ZSWIM9: variants seen among roughly 807,000 people sequenced by gnomAD.
ZSWIM9 encodes the protein zinc finger SWIM-type containing 9, also known as uncharacterized protein ZSWIM9.
ZSWIM9 carries 11 observed loss-of-function variants against 25.0 expected under a neutral mutation model. The ratio of observed to expected loss-of-function variants is 0.44; its 90% confidence interval spans 0.28 to 0.73. ZSWIM9 has a LOEUF of 0.73. Among genes scored for constraint, ZSWIM9 ranks in the 30% least tolerant of loss-of-function variants. The pLI is 0.16. For synonymous variants in ZSWIM9, 562 were observed against 582.1 expected (o/e 0.97, Z 0.50); for missense variants, 1,070 against 1,296.5 (o/e 0.83, Z 2.68).
chr19:48,194,622 T>C lies in ZSWIM9; in HGVS notation c.589-31T>C. 1 of 1,405,518 alleles carries C rather than the reference T, an allele frequency of 7.1e-7. No homozygotes were observed. Among genetic ancestry groups the C allele is most frequent in the South Asian group, 1.5e-5 (1 of 65,404 alleles). 87.1% of individuals were successfully genotyped at this position (1,405,518 alleles called of 1,614,324 possible). On this transcript the variant is annotated intron_variant, in intron 3 of 3. Transcript: ENST00000614654. This position sits in a 1 kb window ranked among gnomAD's most constrained non-coding sequence, Gnocchi z 6.0. The stretch of plus-strand genomic sequence containing the variant: ...GGGGAGACCCCAGCATCCTCTGACC[T>C]CTTTCCTTGCCTCCCTGCCCCCGCC...
chr19:48,187,017 T>C (rs1191226334), intron 3 of ZSWIM9, among the ~76,000 whole-genome samples: 1 of 152,104 alleles, frequency 6.6e-6, no homozygotes, highest in Non-Finnish European at 1.5e-5. Flanking sequence ...TTCGTCTTTA[T>C]TTTGCCTTCT....
chr19:48,196,515 G>T lies in ZSWIM9; in HGVS notation c.2451G>T (p.Glu817Asp). The T allele has an allele frequency of 1.6e-6, 2 of 1,232,514 alleles. No homozygotes were observed. The highest frequency in any genetic ancestry group is 2.0e-6 in the Non-Finnish European group (2 of 988,282). The allele number at this position is 1,232,514 out of a possible 1,614,324, so 76.3% of individuals were successfully genotyped here. Residue 817 changes from glutamate (E) to aspartate (D), a missense_variant, in exon 4 of 4, where the codon GAG (glutamate) becomes GAT (aspartate). Glu to Asp is a conservative substitution (Grantham distance 45). Coordinates refer to ENST00000614654, the MANE Select transcript of ZSWIM9 (RefSeq NM_199341.4). Reference protein sequence around the residue: ...KRLCRPPGEEEVDWEPLAKFR... With the variant: ...KRLCRPPGEEDVDWEPLAKFR... ...TTTGCCGACCCCCGGGAGAGGAGGA[G>T]GTGGACTGGGAACCCCTGGCCAAAT...
intron 3 of ZSWIM9, among the ~76,000 whole-genome samples, chr19:48,185,719 A>G (rs2037003933): frequency 6.6e-6 from 1 of 152,188 alleles, no homozygotes; most frequent in East Asian, 1.9e-4. Context: ...AGGCATGGTT[A>G]CTCACACCTG....
chr19:48,194,834 A>AGGCTGCCTGCTGCGTGGCGCGCCC lies in ZSWIM9; in HGVS notation c.773_796dup (p.Ala258_Pro265dup). ...GTGGACGGCTCGGGCCGTGCGCGCC[A>AGGCTGCCTGCTGCGTGGCGCGCCC]GGCTGCCTGCTGCGTGGCGCGCCCG... is the stretch of plus-strand genomic sequence containing the variant. On this transcript the variant is annotated inframe_insertion, in exon 4 of 4. Coordinates refer to ENST00000614654, the MANE Select transcript of ZSWIM9 (RefSeq NM_199341.4). This position sits in a 1 kb window ranked among gnomAD's most constrained non-coding sequence, Gnocchi z 6.0. The AGGCTGCCTGCTGCGTGGCGCGCCC allele has an allele frequency of 1.4e-6, 2 of 1,414,382 alleles. No individual in the cohort carries two copies. The highest frequency in any genetic ancestry group is 1.5e-5 in the African/African-American group (1 of 66,050). The allele number at this position is 1,414,382 out of a possible 1,614,324, so 87.6% of individuals were successfully genotyped here. A position where few individuals can be genotyped will look rare whatever the true frequency, so the allele number is the denominator to read the frequency against.
chr19:48,187,479 T>TA (rs1568579483), intron 3 of ZSWIM9, among the ~76,000 whole-genome samples: 6 of 66,406 alleles, frequency 9.0e-5, no homozygotes, highest in African/African-American at 3.9e-4. Context: ...ATTATATATA[T>TA]TATATATTAT....
chr19:48,196,712 A>G lies in ZSWIM9; in HGVS notation c.2648A>G (p.His883Arg). The change falls in exon 4 of 4, where the codon CAC (histidine) becomes CGC (arginine). Residue 883 changes from histidine to arginine, a missense_variant. Transcript: ENST00000614654. The stretch of plus-strand genomic sequence containing the variant: ...CTGACACGCTGCAGCTGCTCAATTC[A>G]CGCCGCCCGCCGTCTGCCCTGCAGA... ...GALTRCSCSI[H>R]AARRLPCRHL... 1.6e-6 allele frequency: 2 copies of G among 1,232,778 alleles called. No homozygotes were observed. The highest frequency in any genetic ancestry group is 2.0e-6 in the Non-Finnish European group (2 of 988,598). The allele number at this position is 1,232,778 out of a possible 1,614,324, so 76.4% of individuals were successfully genotyped here. A position where few individuals can be genotyped will look rare whatever the true frequency, so the allele number is the denominator to read the frequency against.
At chr19:48,179,628 T>C (rs1449964550) in intron 2 of ZSWIM9, among the ~76,000 whole-genome samples, 1 of 152,182 alleles carries the variant, frequency 6.6e-6, no homozygotes, top group Non-Finnish European at 1.5e-5. Context: ...GTTGGGGTGA[T>C]TGAAGCATCA....
At chr19:48,193,065 G>A (rs959914728) in intron 3 of ZSWIM9, 2 of 155,362 alleles carry the variant, frequency 1.3e-5, no homozygotes, top group Middle Eastern at 5.2e-4. Context: ...ATGTAGACTT[G>A]TGCTGAATAC....
At chr19:48,176,713 G>A (rs868272107) in intron 2 of ZSWIM9, among the ~76,000 whole-genome samples, 3 of 152,102 alleles carry the variant, frequency 2.0e-5, no homozygotes, top group Non-Finnish European at 4.4e-5. Context: ...CAATGTGCAA[G>A]GTGGTGGTTT....
chr19:48,195,686 T>G lies in ZSWIM9; in HGVS notation c.1622T>G (p.Leu541Trp), dbSNP rs762045170. The G allele has an allele frequency of 1.4e-6, 2 of 1,450,872 alleles. No homozygotes were observed. The highest frequency in any genetic ancestry group is 2.9e-5 in the South Asian group (2 of 69,972). 89.9% of individuals were successfully genotyped at this position (1,450,872 alleles called of 1,614,324 possible). A position where few individuals can be genotyped will look rare whatever the true frequency, so the allele number is the denominator to read the frequency against. ...CCGAGGGGACTGGAAGGGGGTGTCTTGAGAGGGTCGAAGTTAGAGAAAGGG... is the reference window on the plus strand; with the variant it reads ...CCGAGGGGACTGGAAGGGGGTGTCTGGAGAGGGTCGAAGTTAGAGAAAGGG... ...QKPRGLEGGV[L>W]RGSKLEKGHL... The change falls in exon 4 of 4, where the codon TTG (leucine) becomes TGG (tryptophan). Residue 541 changes from leucine to tryptophan, a missense_variant. Leu to Trp is a moderately conservative substitution (Grantham distance 61). Around this residue, in one of 4 missense-constraint regions of ZSWIM9, gnomAD observed 583 missense variants for 624.7 expected, o/e 0.93. Transcript: ENST00000614654. The surrounding 1 kb of genome is among the most constrained non-coding windows in gnomAD (Gnocchi z 5.8).
intron 2 of ZSWIM9, among the ~76,000 whole-genome samples, chr19:48,176,679 C>T (rs1173545586): frequency 6.6e-6 from 1 of 152,060 alleles, no homozygotes; most frequent in Non-Finnish European, 1.5e-5. Flanking sequence ...ATCCCTTCAC[C>T]CAAGAGGTTT....
intron 1 of ZSWIM9, 84 bp from the exon 2 acceptor site, chr19:48,171,710 C>A: frequency 7.4e-7 from 1 of 1,346,888 alleles, no homozygotes; most frequent in Non-Finnish European, 9.8e-7. Context: ...CAGCAACCGA[C>A]GGGGCAGGCC....
Position 48,195,633 on chromosome 19 carries a change from G to T in ZSWIM9, c.1569G>T (p.Trp523Cys). Reference sequence around the variant, plus strand: ...GGAGGGCACTGCAGATCAGAGATTGGAGAGGGGGTCGGTTGGAGAATCAGA... The same window carrying T: ...GGAGGGCACTGCAGATCAGAGATTGTAGAGGGGGTCGGTTGGAGAATCAGA... ...EKGRALQIRD[W>C]RGGRLENQKP... is the part of the protein sequence containing the mutation. The change falls in exon 4 of 4, where the codon TGG becomes TGT. Residue 523 changes from tryptophan (W) to cysteine (C), a missense_variant. Coordinates refer to ENST00000614654, the MANE Select transcript of ZSWIM9 (RefSeq NM_199341.4). This position sits in a 1 kb window ranked among gnomAD's most constrained non-coding sequence, Gnocchi z 5.8. 7.0e-7 allele frequency: 1 copy of T among 1,424,404 alleles called. No individual in the cohort carries two copies. The highest frequency in any genetic ancestry group is 9.1e-7 in the Non-Finnish European group (1 of 1,095,506). 88.2% of individuals were successfully genotyped at this position (1,424,404 alleles called of 1,614,324 possible).
At position 48,195,184 on chromosome 19, in the gene ZSWIM9, G is replaced by C; in HGVS notation, c.1120G>C (p.Val374Leu). 1.3e-6 allele frequency: 2 copies of C among 1,523,828 alleles called. No homozygotes were observed. The highest frequency in any genetic ancestry group is 1.8e-6 in the Non-Finnish European group (2 of 1,140,142). 94.4% of individuals were successfully genotyped at this position (1,523,828 alleles called of 1,614,324 possible). Residue 374 changes from valine to leucine, a missense_variant, in exon 4 of 4, where the codon GTG becomes CTG. Physicochemically the swap from Val to Leu is conservative, Grantham distance 32 (BLOSUM62 1). This residue lies in a region of ZSWIM9 where 184 missense variants were observed against 243.1 expected (regional missense o/e 0.76). Coordinates refer to ENST00000614654, the MANE Select transcript of ZSWIM9 (RefSeq NM_199341.4). The surrounding 1 kb of genome is among the most constrained non-coding windows in gnomAD (Gnocchi z 5.8). ...CCACGCCCACGGCCCAGCCGCCTTCGTGGACTACTTCGAGCGCAACTGGGA... is the reference window on the plus strand; with the variant it reads ...CCACGCCCACGGCCCAGCCGCCTTCCTGGACTACTTCGAGCGCAACTGGGA... ...ELHAHGPAAFVDYFERNWEPR... is the reference protein window; with the variant it reads ...ELHAHGPAAFLDYFERNWEPR...
chr19:48,173,358 G>C (rs143178923), intron 2 of ZSWIM9, among the ~76,000 whole-genome samples: 194 of 152,298 alleles, frequency 1.3e-3, no homozygotes, highest in African/African-American at 4.5e-3. Flanking sequence ...GAGAGCAGTA[G>C]TGCGATCTTG....
chr19:48,177,774 A>G (rs1305610863), intron 2 of ZSWIM9, among the ~76,000 whole-genome samples: 1 of 152,222 alleles, frequency 6.6e-6, no homozygotes, highest in East Asian at 1.9e-4. Context: ...TGAACTTGCA[A>G]TCTTGATAAA....
In ZSWIM9 at chr19:48,194,930, T is replaced by C; in HGVS notation, c.866T>C (p.Val289Ala). 6 of 1,320,142 alleles carry C rather than the reference T, an allele frequency of 4.5e-6. 1 individual carries two copies. The highest frequency in any genetic ancestry group is 5.8e-6 in the Non-Finnish European group (6 of 1,036,464). 81.8% of individuals were successfully genotyped at this position (1,320,142 alleles called of 1,614,324 possible). The change falls in exon 4 of 4, where the codon GTG (valine) becomes GCG (alanine). Residue 289 changes from valine (V) to alanine (A), a missense_variant. This residue lies in a region of ZSWIM9 where 184 missense variants were observed against 243.1 expected (regional missense o/e 0.76). Coordinates refer to ENST00000614654, the MANE Select transcript of ZSWIM9 (RefSeq NM_199341.4). This position sits in a 1 kb window ranked among gnomAD's most constrained non-coding sequence, Gnocchi z 6.0. ...AGCGCGCCAGACGTCAAGGGCCGCG[T>C]GCGCTGCCTCACCGCCGGGCCCGAG... ...LQSAPDVKGR[V>A]RCLTAGPEVA...
Position 48,182,204 on chromosome 19 carries a change from CT to C in ZSWIM9, c.276-247del, listed in dbSNP as rs1225390935. 5.5e-6 allele frequency: 3 copies of C among 548,802 alleles called. No individual in the cohort carries two copies. The African/African-American group carries it at 5.7e-5, about 10-fold the overall frequency. The allele number at this position is 548,802 out of a possible 1,614,324, so 34.0% of individuals were successfully genotyped here. On this transcript the variant is annotated intron_variant, in intron 2 of 3. Transcript: ENST00000614654. This position sits in a 1 kb window ranked among gnomAD's most constrained non-coding sequence, Gnocchi z 4.6. The stretch of plus-strand genomic sequence containing the variant: ...TGTAGGTGCTTTACCTATATTAACT[CT>C]TTTCATGCTCATGACGATCCTATGA...
intron 3 of ZSWIM9, among the ~76,000 whole-genome samples, chr19:48,192,474 A>T (rs1402672728): frequency 0.22 from 4,949 of 22,580 alleles, 693 homozygotes; most frequent in Non-Finnish European, 0.28. Flanking sequence ...AAAAAAAAAA[A>T]AAAAAAATAT....
Sources: gnomAD v4.1 joint callset for allele counts (sites outside exome capture counted in the v4.1 genomes callset) on GRCh38, gnomAD v4.1.1 for gene constraint, gnomAD v4.1.1 regional missense constraint, Gnocchi (gnomAD v3.1) non-coding constraint, MANE v1.5 for transcripts, NCBI Gene and HGNC (gene_info 2026-07-23, HGNC 2026-07-21) for gene names.